LYST: variants seen among roughly 807,000 people sequenced by gnomAD.
The protein encoded by LYST is lysosomal-trafficking regulator.
A neutral mutation model predicts 413.6 loss-of-function variants in LYST; 192 were observed. The observed-to-expected ratio is 0.46, with a 90% confidence interval of 0.41 to 0.52. LYST has a LOEUF of 0.52. Ranked by LOEUF, LYST falls within the 20% of genes least tolerant of loss-of-function variation. LYST has a pLI of 0.00. For synonymous variants in LYST, 1,525 were observed against 1,567.3 expected (o/e 0.97, Z 0.64); for missense variants, 3,815 against 4,499.9 (o/e 0.85, Z 4.35).
At chr1:235,869,924 G>A (rs1450862595), upstream of LYST, among the ~76,000 whole-genome samples, 1 of 151,892 alleles carries the variant, frequency 6.6e-6, no homozygotes, top group African/African-American at 2.4e-5. Context: ...CTGACTGGCC[G>A]GCCCCTCTGC....
chr1:235,788,973 C>G, intron 12 of LYST, 128 bp from the exon 13 acceptor site: 2 of 814,648 alleles, frequency 2.5e-6, no homozygotes, highest in South Asian at 2.9e-5. Context: ...ATGTCTGAGC[C>G]TGACCTGTTC....
intron 28 of LYST, among the ~76,000 whole-genome samples, chr1:235,748,171 C>T (rs1297420047): frequency 4.6e-5 from 7 of 152,066 alleles, no homozygotes; most frequent in Admixed American, 3.9e-4. Flanking sequence ...ATATAAAGTT[C>T]ATTTGTATGT....
rs774558822 is a variant in LYST at position 235,691,697 on chromosome 1, C to CTT, written c.10701+1652_10701+1653insAA. Among the ~76,000 whole-genome samples the CTT allele has an allele frequency of 2.7e-4, 37 of 138,208 alleles. 3 individuals are homozygous for CTT. Among genetic ancestry groups the CTT allele is most frequent in the African/African-American group, 6.0e-4 (21 of 34,870 alleles). 90.7% of individuals were successfully genotyped at this position (138,208 alleles called of 152,430 possible). On this transcript the variant is annotated intron_variant, in intron 47 of 52. Transcript: ENST00000389793. ...GTAAGTACTATAAACATCAGATTCT[C>CTT]TCTTTTTTTTTTTTTTGAGATGGAG...
chr1:235,715,230 G>A lies in LYST; in HGVS notation c.9755C>T (p.Pro3252Leu), dbSNP rs1310088980. The change falls in exon 42 of 53, where the codon CCT (proline) becomes CTT (leucine). Residue 3252 changes from proline to leucine, a missense_variant. Transcript: ENST00000389793. ...TVLHFLVRMP[P>L]FTKMFLAYQD... is the part of the protein sequence containing the mutation. ...ATAGGCTAAAAACATTTTAGTGAAAGGAGGCATCCTGACCAGGAAGTGAAG... is the reference window on the plus strand; with the variant it reads ...ATAGGCTAAAAACATTTTAGTGAAAAGAGGCATCCTGACCAGGAAGTGAAG... 9.9e-6 allele frequency: 16 copies of A among 1,613,916 alleles called. No homozygotes were observed. The highest frequency in any genetic ancestry group is 1.4e-5 in the Non-Finnish European group (16 of 1,179,970).
chr1:235,754,827 A>C lies in LYST; in HGVS notation c.7229+651T>G, dbSNP rs190967143. Among the ~76,000 whole-genome samples the C allele has an allele frequency of 1.5e-3, 222 of 152,054 alleles. 4 individuals are homozygous for C. In the East Asian group the frequency reaches 0.038, roughly 26 times the overall value. ...GGTGGCCCACACCTATAATCCCAACACTTTGGGAGGCCAAGGCAGGAGGAT... is the reference window on the plus strand; with the variant it reads ...GGTGGCCCACACCTATAATCCCAACCCTTTGGGAGGCCAAGGCAGGAGGAT... On this transcript the variant is annotated intron_variant, in intron 25 of 52. Coordinates refer to ENST00000389793, the MANE Select transcript of LYST (RefSeq NM_000081.4).
At chr1:235,768,256 T>C (rs1168901619) in intron 20 of LYST, among the ~76,000 whole-genome samples, 5 of 152,084 alleles carry the variant, frequency 3.3e-5, no homozygotes, top group African/African-American at 9.7e-5. Context: ...TTTTATGTTA[T>C]ATTTGACTCC....
intron 1 of LYST, among the ~76,000 whole-genome samples, chr1:235,846,289 G>A (rs969835309): frequency 7.2e-5 from 11 of 152,208 alleles, no homozygotes; most frequent in South Asian, 4.1e-4. Context: ...ACTGCAGTTC[G>A]GCTCACAGGA....
chr1:235,715,311 A>G lies in LYST; in HGVS notation c.9674T>C (p.Met3225Thr), dbSNP rs757502820. 1.2e-6 allele frequency: 2 copies of G among 1,614,054 alleles called. No homozygotes were observed. The highest frequency in any genetic ancestry group is 1.7e-6 in the Non-Finnish European group (2 of 1,179,952). The change falls in exon 42 of 53, where the codon ATG becomes ACG. Residue 3225 changes from methionine to threonine, a missense_variant. Around this residue, in one of 4 missense-constraint regions of LYST, gnomAD observed 866 missense variants for 1,156.0 expected, o/e 0.75. Transcript: ENST00000389793. ...YRKGAREDDPMPPVQPYHYGS... is the reference protein window; with the variant it reads ...YRKGAREDDPTPPVQPYHYGS... ...ATAGTGATAGGGCTGCACGGGAGGC[A>G]TGGGGTCATCTTCTCTGGCTCCTTT...
Position 235,729,647 on chromosome 1 carries a change from T to C in LYST, c.9055A>G (p.Arg3019Gly). 6.2e-7 allele frequency: 1 copy of C among 1,604,498 alleles called. No homozygotes were observed. Among genetic ancestry groups the C allele is most frequent in the Non-Finnish European group, 8.5e-7 (1 of 1,171,426 alleles). The change falls in exon 37 of 53, where the codon AGA (arginine) becomes GGA (glycine). Residue 3019 changes from arginine to glycine, a missense_variant. Around this residue, in one of 4 missense-constraint regions of LYST, gnomAD observed 866 missense variants for 1,156.0 expected, o/e 0.75. Transcript: ENST00000389793. ...AASESIRVNR[R>G]CISVAPSRET... ...CTAGATGGTGCAACACTGATGCATCTTCGATTCACTCTGTCAAAACATATT... is the reference window on the plus strand; with the variant it reads ...CTAGATGGTGCAACACTGATGCATCCTCGATTCACTCTGTCAAAACATATT...
At chr1:235,677,981 A>G (rs114464102) in intron 48 of LYST, among the ~76,000 whole-genome samples, 1 of 152,150 alleles carries the variant, frequency 6.6e-6, no homozygotes, top group African/African-American at 2.4e-5. Flanking sequence ...ATAATATTCT[A>G]TACAGTTAGT....
rs746055858 is a variant in LYST at position 235,702,807 on chromosome 1, C to T, written c.10314G>A (p.Gly3438=). ...CCCTGAAAGCAAACTGCACTAGCAA[C>T]CCCACAGCAGCTGGAAGCTCTCCTT... The part of the protein sequence containing the change: ...NIEGELPAAV[G]LLVQFAFRET... The change falls in exon 45 of 53, where the codon GGG becomes GGA. Residue 3438 remains glycine (G), a synonymous_variant. Coordinates refer to ENST00000389793, the MANE Select transcript of LYST (RefSeq NM_000081.4). 6.2e-7 allele frequency: 1 copy of T among 1,614,168 alleles called. No homozygotes were observed. Among genetic ancestry groups the T allele is most frequent in the Non-Finnish European group, 8.5e-7 (1 of 1,180,026 alleles).
intron 31 of LYST, chr1:235,738,281 C>G: frequency 6.2e-7 from 1 of 1,611,592 alleles, no homozygotes; most frequent in Non-Finnish European, 8.5e-7. Context: ...TGGTCACTAT[C>G]ACGGCTGAGG....
chr1:235,881,484 A>G (rs561420772), intron 1 of LYST, among the ~76,000 whole-genome samples: 4 of 152,350 alleles, frequency 2.6e-5, no homozygotes, highest in Non-Finnish European at 4.4e-5. Flanking sequence ...GTACATATCA[A>G]AGAGCGAAAG....
At chr1:235,763,932 A>C (rs1479031314) in intron 21 of LYST, among the ~76,000 whole-genome samples, 1 of 152,058 alleles carries the variant, frequency 6.6e-6, no homozygotes, top group African/African-American at 2.4e-5. Context: ...TCGAATGTCA[A>C]CTCCTGCTTA....
chr1:235,731,826 G>C (rs1027828367), intron 34 of LYST, among the ~76,000 whole-genome samples: 3 of 151,954 alleles, frequency 2.0e-5, no homozygotes. Flanking sequence ...CCAAAGTGTT[G>C]GGATTACAGG....
At chr1:235,757,933 G>C (rs2103345262) in intron 23 of LYST, among the ~76,000 whole-genome samples, 1 of 150,596 alleles carries the variant, frequency 6.6e-6, no homozygotes, top group East Asian at 1.9e-4. Flanking sequence ...TAGGAGTCTA[G>C]GCATGTCAGA....
intron 19 of LYST, among the ~76,000 whole-genome samples, chr1:235,772,032 G>A (rs370072868): frequency 1.3e-5 from 2 of 149,500 alleles, no homozygotes; most frequent in South Asian, 2.1e-4. Context: ...AGACCAGCCT[G>A]GGCAATATAG....
chr1:235,706,998 T>C (rs1662044566), intron 44 of LYST, among the ~76,000 whole-genome samples: 1 of 152,198 alleles, frequency 6.6e-6, no homozygotes, highest in African/African-American at 2.4e-5. Context: ...TAAACGCTTG[T>C]AGATTTGCTA....
chr1:235,839,846 T>A (rs942847862), intron 1 of LYST: 8 of 151,556 alleles, frequency 5.3e-5, no homozygotes, highest in African/African-American at 1.9e-4. Context: ...TAAAATAAAA[T>A]AATAAATAAA....
Sources: gnomAD v4.1 joint callset for allele counts (sites outside exome capture counted in the v4.1 genomes callset) on GRCh38, gnomAD v4.1.1 for gene constraint, gnomAD v4.1.1 regional missense constraint, MANE v1.5 for transcripts, NCBI Gene and HGNC (gene_info 2026-07-23, HGNC 2026-07-21) for gene names.